The following MYT1L variants were observed in gnomAD, a reference collection of about 807,000 sequenced individuals.
MYT1L encodes myelin transcription factor 1 like, also known as myelin transcription factor 1-like protein.
Under a neutral mutation model 126.7 loss-of-function variants are expected in MYT1L, and 12 were observed. The ratio of observed to expected loss-of-function variants is 0.09; its 90% CI spans 0.06 to 0.15. MYT1L has a LOEUF of 0.15. Among genes scored for constraint, MYT1L ranks in the 10% least tolerant of loss-of-function variants. The pLI is 1.00. For missense variants in MYT1L, 979 were observed against 1,585.2 expected (o/e 0.62, Z 6.49); for synonymous variants, 541 against 604.2 (o/e 0.90, Z 1.53).
chr2:2,069,362 G>C (rs2074306000), intron 3 of MYT1L, among the ~76,000 whole-genome samples: 1 of 152,050 alleles, frequency 6.6e-6, no homozygotes. Context: ...TGAGAATGAT[G>C]GTTTCCAACT....
chr2:1,961,824 T>C (rs991648613), intron 8 of MYT1L, among the ~76,000 whole-genome samples: 1 of 152,240 alleles, frequency 6.6e-6, no homozygotes. Flanking sequence ...CAGCACAATA[T>C]AAAGGAAGCT....
intron 1 of MYT1L, among the ~76,000 whole-genome samples, chr2:2,297,852 C>T (rs1436503291): frequency 1.3e-5 from 2 of 152,290 alleles, no homozygotes; most frequent in East Asian, 1.9e-4. Flanking sequence ...CCACTCTGCT[C>T]TCTCCCTCTC....
rs538583045 is a variant in MYT1L, at chr2:2,100,214, G to A, written c.-303-46091C>T. On this transcript the variant is annotated intron_variant, in intron 3 of 24. Transcript: ENST00000647738. ...TTTTTTAAAGAGAGTAGTGAGTATG[G>A]TTTGGTTGAGAAAAAGCAAGAATAA... Among the ~76,000 whole-genome samples, 9 of 152,228 alleles carry A rather than the reference G, an allele frequency of 5.9e-5. No individual in the cohort carries two copies. The South Asian group carries it at 1.7e-3, about 28-fold the overall frequency.
chr2:1,876,511 G>A (rs933492273), intron 18 of MYT1L, among the ~76,000 whole-genome samples: 4 of 152,020 alleles, frequency 2.6e-5, no homozygotes, highest in African/African-American at 9.7e-5. Flanking sequence ...GGGCTCCTGA[G>A]CCCGCGCCTA....
intron 4 of MYT1L, among the ~76,000 whole-genome samples, chr2:2,004,023 CTTCTTTCCTGCATGCA>C (rs1240998438): frequency 4.2e-4 from 57 of 135,480 alleles, no homozygotes; most frequent in Non-Finnish European, 6.1e-4. Flanking sequence ...TCCTGCATGC[CTTCTTTCCTGCATGCA>C]TTCTTTCCTG....
chr2:2,053,286 G>C (rs1440978365), intron 4 of MYT1L, among the ~76,000 whole-genome samples: 1 of 152,170 alleles, frequency 6.6e-6, no homozygotes, highest in Non-Finnish European at 1.5e-5. Context: ...TGTTTAACGG[G>C]GACAGGGTTT....
intron 18 of MYT1L, among the ~76,000 whole-genome samples, chr2:1,879,279 C>A (rs2047268580): frequency 6.6e-6 from 1 of 152,164 alleles, no homozygotes; most frequent in African/African-American, 2.4e-5. Context: ...ATTCATTTTG[C>A]TCCAGGGAAC....
chr2:1,930,764 T>C (rs1194136480), intron 9 of MYT1L, among the ~76,000 whole-genome samples: 1 of 152,230 alleles, frequency 6.6e-6, no homozygotes, highest in Non-Finnish European at 1.5e-5. Context: ...ATATTTAGGA[T>C]TGACTGGCAT....
intron 2 of MYT1L, among the ~76,000 whole-genome samples, chr2:2,217,712 A>ACAAC (rs1559367363): frequency 7.1e-6 from 1 of 140,568 alleles, no homozygotes; most frequent in African/African-American, 2.7e-5. Flanking sequence ...ACAACAAAAA[A>ACAAC]AAAAAAAGAA....
chr2:2,215,345 T>A (rs559777940), intron 2 of MYT1L, among the ~76,000 whole-genome samples: 1 of 151,920 alleles, frequency 6.6e-6, no homozygotes, highest in Non-Finnish European at 1.5e-5. Context: ...CATAAAAAGA[T>A]GAAAAAAGAT....
chr2:2,018,433 A>G (rs970859553), intron 4 of MYT1L, among the ~76,000 whole-genome samples: 8 of 152,186 alleles, frequency 5.3e-5, no homozygotes, highest in African/African-American at 1.9e-4. Flanking sequence ...AAGGACCTGC[A>G]TTGGTCACTA....
At chr2:2,100,583 C>T (rs2077949876) in intron 3 of MYT1L, among the ~76,000 whole-genome samples, 1 of 152,152 alleles carries the variant, frequency 6.6e-6, no homozygotes, top group African/African-American at 2.4e-5. Flanking sequence ...GGACACTGGT[C>T]TCCACAGAGA....
chr2:1,987,195 C>T (rs747745536), intron 5 of MYT1L, among the ~76,000 whole-genome samples: 3 of 152,114 alleles, frequency 2.0e-5, no homozygotes, highest in Non-Finnish European at 2.9e-5. Flanking sequence ...CGAACAGTCT[C>T]ATGGCCAGGG....
intron 3 of MYT1L, among the ~76,000 whole-genome samples, chr2:2,137,517 G>A (rs960013197): frequency 1.3e-5 from 2 of 152,114 alleles, no homozygotes; most frequent in African/African-American, 4.8e-5. Context: ...ACAGAACAGA[G>A]CCCTCAGAAA....
chr2:1,868,861 C>T lies in MYT1L; in HGVS notation c.2712-17158G>A, dbSNP rs554354180. Among the ~76,000 whole-genome samples the T allele has an allele frequency of 1.1e-3, 168 of 152,308 alleles. 1 individual carries two copies. The highest frequency in any genetic ancestry group is 8.3e-3 in the South Asian group (40 of 4,820). ...CCTTGACTGCAGCGCTGCCAGGCAC[C>T]GAGGAGGGAGGGGAGATGCCCTCAG... On this transcript the variant is annotated intron_variant, in intron 18 of 24. Transcript: ENST00000647738.
At chr2:2,179,667 G>C (rs985455098) in intron 2 of MYT1L, among the ~76,000 whole-genome samples, 1 of 152,240 alleles carries the variant, frequency 6.6e-6, no homozygotes, top group Non-Finnish European at 1.5e-5. Flanking sequence ...GTGAGGAACA[G>C]TAGGAATCGG....
chr2:1,918,029 A>T (rs922836565), intron 10 of MYT1L, among the ~76,000 whole-genome samples: 1 of 152,158 alleles, frequency 6.6e-6, no homozygotes, highest in Non-Finnish European at 1.5e-5. Flanking sequence ...TGATTTCTTC[A>T]TCTGTACTTG....
intron 1 of MYT1L, among the ~76,000 whole-genome samples, chr2:2,330,565 A>T (rs2096278765): frequency 6.6e-6 from 1 of 152,242 alleles, no homozygotes; most frequent in East Asian, 1.9e-4. Flanking sequence ...CATCAGGTAA[A>T]TTCATCCAAA....
chr2:2,174,269 T>C (rs2090451953), intron 2 of MYT1L, among the ~76,000 whole-genome samples: 1 of 152,048 alleles, frequency 6.6e-6, no homozygotes, highest in South Asian at 2.1e-4. Flanking sequence ...TTTATAGCAG[T>C]GCACAGCTAT....
Sources: allele counts gnomAD v4.1 joint callset (sites outside exome capture counted in the v4.1 genomes callset), GRCh38; gene constraint gnomAD v4.1.1; transcripts MANE v1.5; gene names NCBI Gene and HGNC (gene_info 2026-07-23, HGNC 2026-07-21).